The following SLC34A1 variants were observed in gnomAD, a reference collection of about 807,000 sequenced individuals.
SLC34A1 encodes solute carrier family 34 member 1, also known as sodium-dependent phosphate transport protein 2A.
A neutral mutation model predicts 51.4 loss-of-function variants in SLC34A1; 57 were observed. The ratio of observed to expected loss-of-function variants is 1.11; its 90% CI spans 0.90 to 1.38. SLC34A1 has a LOEUF of 1.38. SLC34A1 is among the 40% of genes most tolerant of loss of function. The probability of loss-of-function intolerance (pLI) is 0.00; values close to 1 mark genes in which losing one functional copy is unlikely to be tolerated. For synonymous variants in SLC34A1, 368 were observed against 358.0 expected (o/e 1.03, Z -0.32); for missense variants, 796 against 835.6 (o/e 0.95, Z 0.58).
At chr5:177,392,720 C>T (rs1227693941) in intron 8 of SLC34A1, among the ~76,000 whole-genome samples, 1 of 152,144 alleles carries the variant, frequency 6.6e-6, no homozygotes, top group Non-Finnish European at 1.5e-5. Flanking sequence ...ACCACCTGGG[C>T]TCAAGAGATC....
chr5:177,393,796 T>C, intron 9 of SLC34A1, 33 bp downstream of exon 9: 1 of 1,607,768 alleles, frequency 6.2e-7, no homozygotes, highest in Non-Finnish European at 8.5e-7. Flanking sequence ...GTGTCCTGCA[T>C]GGCAGGGGCA....
chr5:177,389,929 A>T (rs749252463), intron 8 of SLC34A1: 8 of 1,419,514 alleles, frequency 5.6e-6, no homozygotes, highest in Non-Finnish European at 6.4e-6. Flanking sequence ...TCTGCAGGGC[A>T]GGGTCTCATT....
chr5:177,396,668 CGGA>C lies in SLC34A1; in HGVS notation c.1175-62_1175-60del. The stretch of plus-strand genomic sequence containing the variant: ...GAGGTCCGCTCTCCCAGTGCCCCCG[CGGA>C]GGTCTGCTCTCCCAATGTCCCCGCT... On this transcript the variant is annotated intron_variant, in intron 10 of 12. Coordinates refer to ENST00000324417, the MANE Select transcript of SLC34A1 (RefSeq NM_003052.5). The surrounding 1 kb of genome is among the most constrained non-coding windows in gnomAD (Gnocchi z 4.0). The C allele has an allele frequency of 1.4e-6, 2 of 1,404,186 alleles. No homozygotes were observed. The highest frequency in any genetic ancestry group is 2.0e-6 in the Non-Finnish European group (2 of 989,320). The allele number at this position is 1,404,186 out of a possible 1,614,324, so 87.0% of individuals were successfully genotyped here.
Position 177,387,882 on chromosome 5 carries a change from G to C in SLC34A1, c.644+9G>C, listed in dbSNP as rs1762647143. On this transcript the variant is annotated intron_variant, in intron 6 of 12. Coordinates refer to ENST00000324417, the MANE Select transcript of SLC34A1 (RefSeq NM_003052.5). ...AGGACTGACTTCCGGCGGTGAGGGG[G>C]GCTGGGGGTTGGGGGCTCGTGCCTG... 1 of 1,609,684 alleles carries C rather than the reference G, an allele frequency of 6.2e-7. No individual in the cohort carries two copies. Among genetic ancestry groups the C allele is most frequent in the African/African-American group, 1.3e-5 (1 of 74,944 alleles).
In SLC34A1 at chr5:177,397,029, G is replaced by A; in HGVS notation, c.1371G>A (p.Leu457=). 1.9e-6 allele frequency: 3 copies of A among 1,614,026 alleles called. No homozygotes were observed. Among genetic ancestry groups the A allele is most frequent in the South Asian group, 1.1e-5 (1 of 91,080 alleles). Residue 457 remains leucine, a synonymous_variant, in exon 12 of 13, where the codon CTG becomes CTA. Coordinates refer to ENST00000324417, the MANE Select transcript of SLC34A1 (RefSeq NM_003052.5). ...TCGGCACCACCACCACGGCCATCCT[G>A]GCTGCCCTGGCCAGCCCCAGGGAGA... The part of the protein sequence containing the change: ...SNIGTTTTAI[L]AALASPREKL...
chr5:177,393,833 A>C (rs373364203), intron 9 of SLC34A1, 70 bp downstream of exon 9: 1 of 1,538,320 alleles, frequency 6.5e-7, no homozygotes, highest in Non-Finnish European at 9.0e-7. Context: ...GGGCAATCCC[A>C]CACAGCCACT....
chr5:177,389,827 C>T (rs1025433493), intron 8 of SLC34A1: 15 of 1,507,020 alleles, frequency 1.0e-5, no homozygotes, highest in African/African-American at 5.5e-5. Flanking sequence ...CTGGGGAGGC[C>T]GCCCTTGGGC....
intron 8 of SLC34A1, chr5:177,389,678 C>T (rs533942630): frequency 4.1e-5 from 63 of 1,537,266 alleles, no homozygotes; most frequent in African/African-American, 3.0e-4. Context: ...CTTTGATCTT[C>T]GCAAAAAGCA....
Position 177,396,949 on chromosome 5 carries a change from G to C in SLC34A1, c.1292-1G>C, listed in dbSNP as rs371809548. ...CCCACTTCCTCTCCCTCTGTCCCCA[G>C]GTCTTGGTGTGATCAGCATTGAGAG... On this transcript the variant is annotated splice_acceptor_variant, in intron 11 of 12. Transcript: ENST00000324417. LOFTEE classifies it high-confidence loss of function. This position sits in a 1 kb window ranked among gnomAD's most constrained non-coding sequence, Gnocchi z 4.0. The C allele has an allele frequency of 1.2e-6, 2 of 1,614,162 alleles. No individual in the cohort carries two copies. Among genetic ancestry groups the C allele is most frequent in the Non-Finnish European group, 1.7e-6 (2 of 1,180,022 alleles).
intron 5 of SLC34A1, 76 bp from the exon 6 acceptor site, chr5:177,387,686 G>C: frequency 8.1e-7 from 1 of 1,237,386 alleles, no homozygotes; most frequent in South Asian, 1.2e-5. Flanking sequence ...ACGTGGGTGG[G>C]GGGCCTGACA....
At chr5:177,392,991 G>C (rs1036591106) in intron 8 of SLC34A1, among the ~76,000 whole-genome samples, 10 of 152,204 alleles carry the variant, frequency 6.6e-5, no homozygotes, top group African/African-American at 2.4e-4. Context: ...AGCCACACTA[G>C]GCTGCGTCCC....
rs1451311493 is a variant in SLC34A1 at position 177,390,001 on chromosome 5, G to A, written c.936+1629G>A. Reference sequence around the variant, plus strand: ...AGCTCTCACTTTCATCCCCTTTCTGGGACAGCGCCCCGAAGGAGTGTGACT... The same window carrying A: ...AGCTCTCACTTTCATCCCCTTTCTGAGACAGCGCCCCGAAGGAGTGTGACT... On this transcript the variant is annotated intron_variant, in intron 8 of 12. Coordinates refer to ENST00000324417, the MANE Select transcript of SLC34A1 (RefSeq NM_003052.5). The A allele has an allele frequency of 3.0e-6, 4 of 1,347,170 alleles. No individual in the cohort carries two copies. The South Asian group carries it at 5.0e-5, about 17-fold the overall frequency. The allele number at this position is 1,347,170 out of a possible 1,614,324, so 83.5% of individuals were successfully genotyped here.
chr5:177,387,246 T>C (rs986275488), intron 5 of SLC34A1, among the ~76,000 whole-genome samples: 1 of 151,402 alleles, frequency 6.6e-6, no homozygotes, highest in African/African-American at 2.4e-5. Context: ...CCAAAAAGCA[T>C]TAGCCAGGCG....
chr5:177,390,628 T>C (rs888152282), intron 8 of SLC34A1: 1 of 153,086 alleles, frequency 6.5e-6, no homozygotes, highest in African/African-American at 2.4e-5. Flanking sequence ...TGGAGACGAC[T>C]CCAGAGATAG....
chr5:177,387,256 G>C (rs146337032), intron 5 of SLC34A1, among the ~76,000 whole-genome samples: 1 of 151,930 alleles, frequency 6.6e-6, no homozygotes, highest in African/African-American at 2.4e-5. Flanking sequence ...TTAGCCAGGC[G>C]TGGTGGCAGG....
At chr5:177,385,567 G>T (rs959025848) in intron 1 of SLC34A1, 128 bp from the exon 2 acceptor site, 11 of 597,842 alleles carry the variant, frequency 1.8e-5, no homozygotes, top group African/African-American at 1.6e-4. Context: ...TCTCGGAGGG[G>T]TGTGTGTGTG....
At chr5:177,385,278 C>A (rs941353436) in intron 1 of SLC34A1, among the ~76,000 whole-genome samples, 1 of 152,234 alleles carries the variant, frequency 6.6e-6, no homozygotes, top group African/African-American at 2.4e-5. Context: ...TGGCCCCCTC[C>A]AGCCCCAAAC....
intron 8 of SLC34A1, chr5:177,389,604 C>T (rs1361904572): frequency 8.5e-6 from 13 of 1,536,994 alleles, no homozygotes; most frequent in Non-Finnish European, 7.8e-6. Context: ...ACTCTTAGTG[C>T]TCTCTGACTC....
rs1229859228 is a variant in SLC34A1, at chr5:177,386,239, A to G, written c.278A>G (p.Lys93Arg). ...EQKPESRLVP[K>R]LRQAGAMLLK... ...CATCCAGAGTCCAGGCTGGTCCCCA[A>G]GCTGCGCCAGGCTGGCGCCATGCTG... Residue 93 changes from lysine to arginine, a missense_variant, in exon 4 of 13, where the codon AAG becomes AGG. Lys to Arg is a conservative substitution (Grantham distance 26). Transcript: ENST00000324417. The surrounding 1 kb of genome is among the most constrained non-coding windows in gnomAD (Gnocchi z 4.8). 6.5e-7 allele frequency: 1 copy of G among 1,543,962 alleles called. No homozygotes were observed. Among genetic ancestry groups the G allele is most frequent in the Admixed American group, 1.7e-5 (1 of 59,202 alleles).
Sources: allele counts gnomAD v4.1 joint callset (sites outside exome capture counted in the v4.1 genomes callset), GRCh38; gene constraint gnomAD v4.1.1; non-coding constraint Gnocchi (gnomAD v3.1); transcripts MANE v1.5; gene names NCBI Gene and HGNC (gene_info 2026-07-23, HGNC 2026-07-21).